The following PDE9A variants were observed in gnomAD, a reference collection of about 807,000 sequenced individuals.
The protein encoded by PDE9A is high affinity cGMP-specific 3',5'-cyclic phosphodiesterase 9A.
A neutral mutation model predicts 87.4 loss-of-function variants in PDE9A; 60 were observed. The observed-to-expected ratio is 0.69, with a 90% CI of 0.56 to 0.85. PDE9A has a LOEUF of 0.85. Ranked by LOEUF, PDE9A falls within the 40% of genes least tolerant of loss-of-function variation. The pLI is 0.00. For missense variants in PDE9A, 665 were observed against 779.0 expected (o/e 0.85, Z 1.74); for synonymous variants, 272 against 279.4 (o/e 0.97, Z 0.27).
At chr21:42,700,287 G>T (rs992327458) in intron 4 of PDE9A, among the ~76,000 whole-genome samples, 1 of 151,812 alleles carries the variant, frequency 6.6e-6, no homozygotes, top group African/African-American at 2.4e-5. Flanking sequence ...ACCAGTCTGG[G>T]GGCTTTTAAG....
chr21:42,680,501 C>T (rs1314900328), intron 1 of PDE9A, among the ~76,000 whole-genome samples: 1 of 152,224 alleles, frequency 6.6e-6, no homozygotes, highest in Non-Finnish European at 1.5e-5. Flanking sequence ...CCCAGCCAAT[C>T]TGACTGATGG....
At chr21:42,676,975 AC>A (rs2058876276) in intron 1 of PDE9A, among the ~76,000 whole-genome samples, 1 of 152,218 alleles carries the variant, frequency 6.6e-6, no homozygotes. Context: ...AGTGAGCTCC[AC>A]GGGGCCCAGC....
Position 42,705,006 on chromosome 21 carries a change from G to C in PDE9A, c.262+5995G>C, listed in dbSNP as rs1365654274. Among the ~76,000 whole-genome samples, 3 of 152,216 alleles carry C rather than the reference G, an allele frequency of 2.0e-5. No homozygotes were observed. The highest frequency in any genetic ancestry group is 4.4e-5 in the Non-Finnish European group (3 of 68,034). On this transcript the variant is annotated intron_variant, in intron 4 of 19. Coordinates refer to ENST00000291539, the MANE Select transcript of PDE9A (RefSeq NM_002606.3). This position sits in a 1 kb window ranked among gnomAD's most constrained non-coding sequence, Gnocchi z 4.3. ...GAAAAGGGAGAATAGGCCAGCCCTG[G>C]CCTGGGTCCACAACCCCAGTGTGAG... is the stretch of plus-strand genomic sequence containing the variant.
At chr21:42,700,877 T>C (rs2048332433) in intron 4 of PDE9A, 1 of 152,204 alleles carries the variant, frequency 6.6e-6, no homozygotes, top group South Asian at 2.1e-4. Context: ...CGTAGATAAA[T>C]AGTAGGTCTT....
chr21:42,745,758 C>T (rs2053783895), intron 8 of PDE9A, among the ~76,000 whole-genome samples: 3 of 152,336 alleles, frequency 2.0e-5, no homozygotes, highest in South Asian at 2.1e-4. Context: ...CAGAGCCAGG[C>T]GGAGATGGGT....
intron 18 of PDE9A, among the ~76,000 whole-genome samples, chr21:42,772,101 CT>C (rs1019193459): frequency 9.9e-5 from 15 of 151,748 alleles, no homozygotes; most frequent in African/African-American, 2.7e-4. Flanking sequence ...GCCTTCCCCC[CT>C]GTCAGCCCCC....
chr21:42,761,014 A>G, intron 13 of PDE9A, 107 bp downstream of exon 13: 1 of 751,958 alleles, frequency 1.3e-6, no homozygotes, highest in Non-Finnish European at 2.4e-6. Context: ...GCTGTCAACG[A>G]CGGCCTCCCA....
At chr21:42,686,159 T>C (rs1475738042) in intron 1 of PDE9A, 33 bp from the exon 2 acceptor site, 1 of 1,589,012 alleles carries the variant, frequency 6.3e-7, no homozygotes, top group South Asian at 1.1e-5. Flanking sequence ...CCCGCCGCCC[T>C]CGCTGCCGCC....
rs148498964 is a variant in PDE9A, at chr21:42,655,071, C to A, written c.69+1188C>A. 5.4e-3 allele frequency among the ~76,000 whole-genome samples: 828 copies of A among 152,226 alleles called. 13 individuals carry two copies. The highest frequency in any genetic ancestry group is 0.019 in the African/African-American group (797 of 41,520). The stretch of plus-strand genomic sequence containing the variant: ...TCTCCCCAAAGGAAGGAGTGGCCCT[C>A]CCTTGAATATGTCACTGCACCAGCA... On this transcript the variant is annotated intron_variant, in intron 1 of 19. Transcript: ENST00000291539.
chr21:42,744,427 A>G (rs2053635700), intron 8 of PDE9A, among the ~76,000 whole-genome samples: 3 of 152,208 alleles, frequency 2.0e-5, no homozygotes, highest in African/African-American at 7.2e-5. Context: ...CTCCTCCTGC[A>G]GATCCAAGCC....
intron 1 of PDE9A, among the ~76,000 whole-genome samples, chr21:42,661,353 TGTG>T (rs1446487524): frequency 6.6e-6 from 1 of 151,304 alleles, no homozygotes; most frequent in Non-Finnish European, 1.5e-5. Context: ...AATTTTAAAT[TGTG>T]GTAAAATATA....
intron 18 of PDE9A, among the ~76,000 whole-genome samples, chr21:42,771,393 C>T (rs1399592552): frequency 5.3e-5 from 8 of 152,228 alleles, no homozygotes; most frequent in East Asian, 1.9e-4. Flanking sequence ...GGATTCCCCA[C>T]GGCTGTCTGC....
At chr21:42,662,957 A>G (rs1308356951) in intron 1 of PDE9A, among the ~76,000 whole-genome samples, 2 of 143,604 alleles carry the variant, frequency 1.4e-5, no homozygotes, top group African/African-American at 5.2e-5. Flanking sequence ...CGCACATCAC[A>G]TGCACACGCC....
intron 4 of PDE9A, among the ~76,000 whole-genome samples, chr21:42,726,618 A>ATTTTTTTTTTTTTTTTTTTTTT (rs1486108848): frequency 8.7e-5 from 2 of 23,048 alleles, no homozygotes; most frequent in African/African-American, 6.6e-4. Context: ...ATATATATAT[A>ATTTTTTTTTTTTTTTTTTTTTT]TATATATTTT....
chr21:42,767,677 C>A (rs2056538921), intron 15 of PDE9A, among the ~76,000 whole-genome samples: 1 of 152,208 alleles, frequency 6.6e-6, no homozygotes, highest in African/African-American at 2.4e-5. Context: ...GTCTGGAAAC[C>A]TGGTGATTCC....
intron 7 of PDE9A, among the ~76,000 whole-genome samples, chr21:42,736,396 C>G (rs186181628): frequency 1.3e-5 from 2 of 152,156 alleles, no homozygotes; most frequent in Admixed American, 6.5e-5. Context: ...GACCTTCCCC[C>G]CTAGCCTGTT....
intron 3 of PDE9A, among the ~76,000 whole-genome samples, chr21:42,697,882 C>G (rs570150794): frequency 6.6e-6 from 1 of 152,284 alleles, no homozygotes; most frequent in African/African-American, 2.4e-5. Flanking sequence ...CATTCAGACC[C>G]CAGCACCATG....
chr21:42,724,283 G>A (rs1352663102), intron 4 of PDE9A, among the ~76,000 whole-genome samples: 4 of 152,192 alleles, frequency 2.6e-5, no homozygotes, highest in South Asian at 2.1e-4. Context: ...TCCGTGATGC[G>A]GAAACACTAA....
chr21:42,754,295 C>T lies in PDE9A; in HGVS notation c.810+231C>T, dbSNP rs192484585. Among the ~76,000 whole-genome samples the T allele has an allele frequency of 1.4e-4, 22 of 152,252 alleles. No homozygotes were observed. In the South Asian group the frequency reaches 2.1e-3, roughly 14 times the overall value. ...AAGGGGATTCTGTGAGTGGGGGAGACGGCTGTCAGGGGCAGGGAGGCTCCA... is the reference window on the plus strand; with the variant it reads ...AAGGGGATTCTGTGAGTGGGGGAGATGGCTGTCAGGGGCAGGGAGGCTCCA... On this transcript the variant is annotated intron_variant, in intron 10 of 19. Transcript: ENST00000291539.
Sources: allele counts gnomAD v4.1 joint callset (sites outside exome capture counted in the v4.1 genomes callset), GRCh38; gene constraint gnomAD v4.1.1; non-coding constraint Gnocchi (gnomAD v3.1); transcripts MANE v1.5; gene names NCBI Gene and HGNC (gene_info 2026-07-23, HGNC 2026-07-21).